B3GALT1: variants seen among roughly 807,000 people sequenced by gnomAD.
B3GALT1 encodes beta-1,3-galactosyltransferase 1.
Under a neutral mutation model 23.2 loss-of-function variants are expected in B3GALT1, and 10 were observed. The ratio of observed to expected loss-of-function variants is 0.43; its 90% CI spans 0.27 to 0.73. B3GALT1 has a LOEUF of 0.73. Ranked by LOEUF, B3GALT1 falls within the 30% of genes least tolerant of loss-of-function variation. The pLI is 0.21. For missense variants in B3GALT1, 299 were observed against 405.4 expected (o/e 0.74, Z 2.25); for synonymous variants, 156 against 141.5 (o/e 1.10, Z -0.73).
At chr2:167,833,584 C>G (rs148070151) in intron 4 of B3GALT1, among the ~76,000 whole-genome samples, 1 of 152,100 alleles carries the variant, frequency 6.6e-6, no homozygotes, top group Non-Finnish European at 1.5e-5. Context: ...AGAAAAACTA[C>G]GCGTGATGTA....
chr2:167,619,356 G>T (rs1279103943), intron 2 of B3GALT1, among the ~76,000 whole-genome samples: 1 of 151,902 alleles, frequency 6.6e-6, no homozygotes, highest in African/African-American at 2.4e-5. Context: ...TTTATAGTAT[G>T]TATATATTAA....
chr2:167,417,206 G>A (rs1340874416), intron 1 of B3GALT1, among the ~76,000 whole-genome samples: 1 of 152,032 alleles, frequency 6.6e-6, no homozygotes, highest in Non-Finnish European at 1.5e-5. Context: ...GAGGTGATTG[G>A]GTCATGAGCA....
At chr2:167,416,759 C>T (rs1274278018) in intron 1 of B3GALT1, among the ~76,000 whole-genome samples, 4 of 152,158 alleles carry the variant, frequency 2.6e-5, no homozygotes, top group Non-Finnish European at 5.9e-5. Flanking sequence ...AGCCTTGGGT[C>T]CCAATTCATG....
intron 3 of B3GALT1, among the ~76,000 whole-genome samples, chr2:167,661,148 T>C (rs1274996020): frequency 6.6e-6 from 1 of 152,156 alleles, no homozygotes; most frequent in Non-Finnish European, 1.5e-5. Context: ...AAGAAATTAA[T>C]TGAATAAGTA....
At position 167,702,166 on chromosome 2, in the gene B3GALT1, C is replaced by T. The variant is rs1686890825; in HGVS notation, c.-352+55200C>T. Among the ~76,000 whole-genome samples, 3 of 152,170 alleles carry T rather than the reference C, an allele frequency of 2.0e-5. No homozygotes were observed. In the South Asian group the frequency reaches 6.2e-4, roughly 31 times the overall value. ...TCCCTTCATGGCTTCCTGAGGAACT[C>T]TTATCCCACTCAGTATCCCAACATG... On this transcript the variant is annotated intron_variant, in intron 3 of 4. Transcript: ENST00000392690.
intron 1 of B3GALT1, among the ~76,000 whole-genome samples, chr2:167,314,384 A>G (rs1246765191): frequency 6.6e-6 from 1 of 152,276 alleles, no homozygotes; most frequent in East Asian, 1.9e-4. Flanking sequence ...GTATAACATT[A>G]TAAGCTAATT....
chr2:167,364,003 A>T (rs1697543471), intron 1 of B3GALT1, among the ~76,000 whole-genome samples: 1 of 151,890 alleles, frequency 6.6e-6, no homozygotes, highest in Non-Finnish European at 1.5e-5. Flanking sequence ...TACTAAAAAC[A>T]GACAAAAAAA....
chr2:167,774,799 A>G lies in B3GALT1; in HGVS notation c.-351-43873A>G, dbSNP rs1225263711. 2.6e-5 allele frequency among the ~76,000 whole-genome samples: 4 copies of G among 151,968 alleles called. No homozygotes were observed. The South Asian group carries it at 6.2e-4, about 24-fold the overall frequency. On this transcript the variant is annotated intron_variant, in intron 3 of 4. Coordinates refer to ENST00000392690, the MANE Select transcript of B3GALT1 (RefSeq NM_020981.4). ...GCGTGAGCCACCACGCCCGGCCTCT[A>G]TGTTTATTCTTAAAATTTGAACTTA... is the stretch of plus-strand genomic sequence containing the variant.
chr2:167,801,643 C>T (rs776230245), intron 3 of B3GALT1, among the ~76,000 whole-genome samples: 3 of 152,048 alleles, frequency 2.0e-5, no homozygotes, highest in East Asian at 1.9e-4. Context: ...CTGGATTCCT[C>T]GGAAAAAAAT....
At chr2:167,868,322 T>A (rs1344994077) in intron 4 of B3GALT1, among the ~76,000 whole-genome samples, 1 of 152,172 alleles carries the variant, frequency 6.6e-6, no homozygotes, top group South Asian at 2.1e-4. Flanking sequence ...GATAAACACA[T>A]ATTCAAATAG....
At chr2:167,600,168 A>G (rs867240264) in intron 2 of B3GALT1, among the ~76,000 whole-genome samples, 2 of 152,170 alleles carry the variant, frequency 1.3e-5, no homozygotes, top group Admixed American at 1.3e-4. Context: ...ATGACCTTCA[A>G]AATCAAATTA....
intron 1 of B3GALT1, among the ~76,000 whole-genome samples, chr2:167,326,731 C>A (rs10191894): frequency 0.012 from 1,760 of 151,930 alleles, 26 homozygotes; most frequent in Admixed American, 0.034. Flanking sequence ...ACTCTATCGC[C>A]CAGGCTGGAG....
At chr2:167,568,782 T>A (rs1018415903) in intron 2 of B3GALT1, among the ~76,000 whole-genome samples, 2 of 151,976 alleles carry the variant, frequency 1.3e-5, no homozygotes, top group East Asian at 1.9e-4. Flanking sequence ...ATTTTTTTTT[T>A]ATCTAAAGAG....
chr2:167,701,633 G>A (rs1043502498), intron 3 of B3GALT1, among the ~76,000 whole-genome samples: 9 of 152,002 alleles, frequency 5.9e-5, no homozygotes, highest in African/African-American at 1.2e-4. Flanking sequence ...TTCTTTATGC[G>A]CCTTTGTTTT....
chr2:167,430,278 G>A (rs938681128), intron 1 of B3GALT1, among the ~76,000 whole-genome samples: 5 of 152,160 alleles, frequency 3.3e-5, no homozygotes, highest in African/African-American at 1.2e-4. Context: ...CTGAAGAAAG[G>A]GAATTAGGAG....
chr2:167,664,619 G>C (rs966274498), intron 3 of B3GALT1, among the ~76,000 whole-genome samples: 1 of 152,116 alleles, frequency 6.6e-6, no homozygotes, highest in African/African-American at 2.4e-5. Flanking sequence ...CCATTTGTTT[G>C]TATCCTCTTT....
chr2:167,469,327 G>T (rs1217454930), intron 1 of B3GALT1, among the ~76,000 whole-genome samples: 1 of 152,128 alleles, frequency 6.6e-6, no homozygotes, highest in Non-Finnish European at 1.5e-5. Context: ...TGCTTTATGG[G>T]ATTATTATGA....
intron 2 of B3GALT1, among the ~76,000 whole-genome samples, chr2:167,597,616 A>T (rs759699605): frequency 6.6e-6 from 1 of 152,170 alleles, no homozygotes; most frequent in Non-Finnish European, 1.5e-5. Context: ...GTTTCCCCTG[A>T]ACTAGCTCCA....
chr2:167,807,068 T>C (rs1411827728), intron 3 of B3GALT1, among the ~76,000 whole-genome samples: 2 of 152,004 alleles, frequency 1.3e-5, no homozygotes, highest in South Asian at 2.1e-4. Flanking sequence ...GAGGAACTTA[T>C]CCATTTCTTC....
Sources: allele counts gnomAD v4.1 joint callset (sites outside exome capture counted in the v4.1 genomes callset), GRCh38; gene constraint gnomAD v4.1.1; transcripts MANE v1.5; gene names NCBI Gene and HGNC (gene_info 2026-07-23, HGNC 2026-07-21).